The following DENND4C variants were observed in gnomAD, a reference collection of about 807,000 sequenced individuals.
DENND4C encodes the protein DENN domain containing 4C, also known as DENN domain-containing protein 4C.
Under a neutral mutation model 203.0 loss-of-function variants are expected in DENND4C, and 108 were observed. The ratio of observed to expected loss-of-function variants is 0.53; its 90% CI spans 0.46 to 0.62. DENND4C has a LOEUF of 0.62. Ranked by LOEUF, DENND4C falls within the 20% of genes least tolerant of loss-of-function variation. The pLI, the probability that DENND4C is intolerant of heterozygous loss-of-function variation, is 0.00. For synonymous variants in DENND4C, 871 were observed against 792.4 expected (o/e 1.10, Z -1.67); for missense variants, 2,481 against 2,301.2 (o/e 1.08, Z -1.60).
chr9:19,352,694 G>A lies in DENND4C; in HGVS notation c.4781+29G>A, dbSNP rs1450112201. On this transcript the variant is annotated intron_variant, in intron 26 of 32. Transcript: ENST00000434457. ...AGTCTTATAAAAGCTCTCTCAAGAAGTAAGTACCCTCAAAAAACACGACTT... is the reference window on the plus strand; with the variant it reads ...AGTCTTATAAAAGCTCTCTCAAGAAATAAGTACCCTCAAAAAACACGACTT... 2.7e-5 allele frequency: 40 copies of A among 1,501,118 alleles called. No individual in the cohort carries two copies. In the Admixed American group the frequency reaches 8.3e-4, roughly 31 times the overall value. 93.0% of individuals were successfully genotyped at this position (1,501,118 alleles called of 1,614,324 possible). A position where few individuals can be genotyped will look rare whatever the true frequency, so the allele number is the denominator to read the frequency against.
chr9:19,365,686 T>C (rs1588994871), intron 30 of DENND4C, among the ~76,000 whole-genome samples: 2 of 111,562 alleles, frequency 1.8e-5, no homozygotes, highest in South Asian at 5.0e-4. Context: ...ACCTAACATA[T>C]TATTATACAC....
chr9:19,308,695 A>T (rs1840168074), intron 10 of DENND4C, among the ~76,000 whole-genome samples: 1 of 151,934 alleles, frequency 6.6e-6, no homozygotes, highest in African/African-American at 2.4e-5. Context: ...CTCTTTATGG[A>T]GTACTGTTTT....
chr9:19,336,453 C>T (rs1303785806), intron 19 of DENND4C, 39 bp downstream of exon 19: 2 of 1,586,696 alleles, frequency 1.3e-6, no homozygotes, highest in Non-Finnish European at 8.6e-7. Flanking sequence ...CTTACTGAAC[C>T]ATGAGCTTTA....
At chr9:19,261,410 G>C (rs374569353) in intron 1 of DENND4C, among the ~76,000 whole-genome samples, 2 of 147,034 alleles carry the variant, frequency 1.4e-5, no homozygotes, top group Non-Finnish European at 3.0e-5. Flanking sequence ...TTGGTATTTT[G>C]ATAGGGATTG....
intron 9 of DENND4C, among the ~76,000 whole-genome samples, chr9:19,303,713 A>T (rs1187683306): frequency 6.6e-6 from 1 of 152,218 alleles, no homozygotes; most frequent in African/African-American, 2.4e-5. Flanking sequence ...CAGGGGTAGT[A>T]AGCGTTATAG....
chr9:19,336,616 G>A, intron 19 of DENND4C, 70 bp from the exon 20 acceptor site: 1 of 1,473,230 alleles, frequency 6.8e-7, no homozygotes, highest in Admixed American at 2.5e-5. Flanking sequence ...ATGAACTGTG[G>A]GTCAATCATG....
At chr9:19,308,518 C>T (rs1840127385) in intron 10 of DENND4C, among the ~76,000 whole-genome samples, 1 of 152,026 alleles carries the variant, frequency 6.6e-6, no homozygotes, top group Non-Finnish European at 1.5e-5. Flanking sequence ...GATTGTTTGT[C>T]TTTTTCTTTT....
chr9:19,244,237 G>C (rs887862379), intron 1 of DENND4C, among the ~76,000 whole-genome samples: 42 of 152,142 alleles, frequency 2.8e-4, no homozygotes, highest in African/African-American at 1.0e-3. Context: ...TGCCATGTTA[G>C]CCAGGCTGGT....
chr9:19,288,044 T>TA (rs1175253254), intron 3 of DENND4C, among the ~76,000 whole-genome samples: 1 of 152,234 alleles, frequency 6.6e-6, no homozygotes, highest in Non-Finnish European at 1.5e-5. Context: ...CATGCATACT[T>TA]ACTCTTTAAA....
At chr9:19,349,715 G>A (rs1008260730) in intron 23 of DENND4C, among the ~76,000 whole-genome samples, 1 of 152,128 alleles carries the variant, frequency 6.6e-6, no homozygotes, top group Non-Finnish European at 1.5e-5. Context: ...TAAGATTGAA[G>A]CATTTTGAAT....
At chr9:19,351,014 C>T (rs192823978) in intron 24 of DENND4C, 135 bp downstream of exon 24, 5 of 841,490 alleles carry the variant, frequency 5.9e-6, no homozygotes, top group African/African-American at 1.7e-5. Flanking sequence ...CTGCCTGCCT[C>T]GGCCTCCCAA....
At chr9:19,303,893 G>A (rs1839103062) in intron 9 of DENND4C, among the ~76,000 whole-genome samples, 1 of 149,564 alleles carries the variant, frequency 6.7e-6, no homozygotes, top group African/African-American at 2.5e-5. Context: ...TAATTTTTTT[G>A]TGGAGATGAG....
At chr9:19,305,610 T>C (rs758719085) in intron 10 of DENND4C, 83 bp downstream of exon 10, 73 of 1,368,702 alleles carry the variant, frequency 5.3e-5, no homozygotes, top group Non-Finnish European at 7.0e-5. Flanking sequence ...TCTAGAAATA[T>C]GCTATTTTTG....
At chr9:19,276,070 A>G in intron 1 of DENND4C, 88 bp from the exon 2 acceptor site, 3 of 573,984 alleles carry the variant, frequency 5.2e-6, no homozygotes, top group South Asian at 1.9e-4. Flanking sequence ...GAAGTGTGCT[A>G]GTTGATGATT....
intron 21 of DENND4C, 80 bp from the exon 22 acceptor site, chr9:19,342,553 C>A: frequency 7.2e-7 from 1 of 1,386,884 alleles, no homozygotes; most frequent in Non-Finnish European, 9.6e-7. Flanking sequence ...AAAATACATA[C>A]AATATCTAAA....
At chr9:19,241,423 G>C (rs1394073359) in intron 1 of DENND4C, among the ~76,000 whole-genome samples, 1 of 151,584 alleles carries the variant, frequency 6.6e-6, no homozygotes, top group Non-Finnish European at 1.5e-5. Context: ...ATGTTGCTTA[G>C]GCTGGCCTCC....
intron 12 of DENND4C, among the ~76,000 whole-genome samples, chr9:19,320,172 G>A (rs1310619557): frequency 6.6e-6 from 1 of 151,784 alleles, no homozygotes; most frequent in Non-Finnish European, 1.5e-5. Flanking sequence ...TAAAATCATT[G>A]ATGAAATCTT....
Position 19,289,414 on chromosome 9 carries a change from A to C in DENND4C, c.628+749A>C, listed in dbSNP as rs1280235628. Among the ~76,000 whole-genome samples the C allele has an allele frequency of 2.0e-5, 3 of 152,212 alleles. No individual in the cohort carries two copies. The East Asian group carries it at 5.8e-4, about 29-fold the overall frequency. Reference sequence around the variant, plus strand: ...GTTTTACTTCAGGGAAGTCAGGCAAATTCATATCCAAAAAATCGTGATTTT... The same window carrying C: ...GTTTTACTTCAGGGAAGTCAGGCAACTTCATATCCAAAAAATCGTGATTTT... On this transcript the variant is annotated intron_variant, in intron 4 of 32. Transcript: ENST00000434457.
rs990179581 is a variant in DENND4C, at chr9:19,276,440, A to G, written c.266A>G (p.Tyr89Cys). 1 of 1,232,134 alleles carries G rather than the reference A, an allele frequency of 8.1e-7. No individual in the cohort carries two copies. Among genetic ancestry groups the G allele is most frequent in the Non-Finnish European group, 1.0e-6 (1 of 987,952 alleles). 76.3% of individuals were successfully genotyped at this position (1,232,134 alleles called of 1,614,324 possible). ...AAAAGCCCAGAACTTTTCCTCTGTT[A>G]TAAGAGAGGGAGAGATAAACCACCG... ...SLKSPELFLC[Y>C]KRGRDKPPLT... Residue 89 changes from tyrosine (Y) to cysteine (C), a missense_variant, in exon 2 of 33, where the codon TAT becomes TGT. Transcript: ENST00000434457.
Sources: gnomAD v4.1 joint callset for allele counts (sites outside exome capture counted in the v4.1 genomes callset) on GRCh38, gnomAD v4.1.1 for gene constraint, MANE v1.5 for transcripts, NCBI Gene and HGNC (gene_info 2026-07-23, HGNC 2026-07-21) for gene names.